Variants in MAP3K6 observed in about 807,000 individuals in gnomAD.
MAP3K6 encodes the protein mitogen-activated protein kinase kinase kinase 6.
A neutral mutation model predicts 147.1 loss-of-function variants in MAP3K6; 105 were observed. That is an observed-to-expected ratio of 0.71 (90% confidence interval 0.61 to 0.84). MAP3K6 has a LOEUF of 0.84. Ranked by LOEUF, MAP3K6 falls within the 40% of genes least tolerant of loss-of-function variation. The probability of loss-of-function intolerance (pLI) is 0.00; values close to 1 mark genes in which losing one functional copy is unlikely to be tolerated. For synonymous variants in MAP3K6, 695 were observed against 732.4 expected, an observed-to-expected ratio of 0.95 and a Z score of 0.82; for missense variants, 1,569 against 1,715.0, an observed-to-expected ratio of 0.91 and a Z score of 1.50.
intron 6 of MAP3K6, 114 bp downstream of exon 6, chr1:27,363,328 G>C: frequency 1.1e-6 from 1 of 881,982 alleles, no homozygotes; most frequent in Non-Finnish European, 1.7e-6. Flanking sequence ...AGTGACCCCG[G>C]TCAGCAAATT....
intron 8 of MAP3K6, 79 bp from the exon 9 acceptor site, chr1:27,362,329 T>G (rs1271142511): frequency 1.4e-6 from 2 of 1,432,664 alleles, no homozygotes; most frequent in Non-Finnish European, 1.9e-6. Context: ...GGCCCGAGTG[T>G]GGACATGAAC....
chr1:27,357,520 G>T lies in MAP3K6; in HGVS notation c.3138C>A (p.His1046Gln). ...VEELLRCLGA[H>Q]IHTPNRRQLA... ...GCTGCCGGCGGTTGGGAGTGTGGAT[G>T]TGTGCCCCGAGGCAGCGCAGCAGCT... Residue 1046 changes from histidine (H) to glutamine (Q), a missense_variant, in exon 23 of 29, where the codon CAC becomes CAA. Transcript: ENST00000357582. The T allele has an allele frequency of 6.2e-7, 1 of 1,613,530 alleles. No individual in the cohort carries two copies. Among genetic ancestry groups the T allele is most frequent in the South Asian group, 1.1e-5 (1 of 91,070 alleles).
rs2015893911 is a variant in MAP3K6 at position 27,364,251 on chromosome 1, C to T, written c.648G>A (p.Leu216=). Residue 216 remains leucine, a synonymous_variant, in exon 4 of 29, where the codon CTG becomes CTA. Transcript: ENST00000357582. This position sits in a 1 kb window ranked among gnomAD's most constrained non-coding sequence, Gnocchi z 4.4. ...CCAGCAGGCGGGCAAGCCGGCCCACCAGGGGAGTGAGCAGGGCCTCGGTCC... is the reference window on the plus strand; with the variant it reads ...CCAGCAGGCGGGCAAGCCGGCCCACTAGGGGAGTGAGCAGGGCCTCGGTCC... ...GVGTEALLTP[L]VGRLARLLEA... 6.2e-7 allele frequency: 1 copy of T among 1,613,472 alleles called. No individual in the cohort carries two copies. The highest frequency in any genetic ancestry group is 8.5e-7 in the Non-Finnish European group (1 of 1,179,998).
chr1:27,357,818 T>G lies in MAP3K6; in HGVS notation c.2974A>C (p.Ser992Arg). 1.2e-6 allele frequency: 2 copies of G among 1,604,186 alleles called. No homozygotes were observed. Among genetic ancestry groups the G allele is most frequent in the Non-Finnish European group, 1.7e-6 (2 of 1,177,242 alleles). Residue 992 changes from serine to arginine, a missense_variant, in exon 22 of 29, where the codon AGC (serine) becomes CGC (arginine). Physicochemically the swap from Ser to Arg is moderately radical, Grantham distance 110. Transcript: ENST00000357582. ...CGCTTGCTCTCCTGGTGCAGCAGGC[T>G]CAGCCCCGAACTCTCCTCCGGAGAC... ...PASPEESSGLSLLHQESKRRA... is the reference protein window; with the variant it reads ...PASPEESSGLRLLHQESKRRA...
Position 27,364,036 on chromosome 1 carries a change from G to T in MAP3K6, c.745C>A (p.Arg249=), listed in dbSNP as rs764675645. ...TGCCGCAGCTGTGGCCCACTGAACC[G>T]CTCCCGCGCCTGCCGGATGTCCCGC... ...IRRDIRQARE[R]FSGPQLRQEL... Residue 249 remains arginine, a synonymous_variant, in exon 5 of 29, where the codon CGG becomes AGG. Transcript: ENST00000357582. This position sits in a 1 kb window ranked among gnomAD's most constrained non-coding sequence, Gnocchi z 4.4. 43 of 1,612,426 alleles carry T rather than the reference G, an allele frequency of 2.7e-5. 1 individual carries two copies. The Middle Eastern group carries it at 9.9e-4, about 37-fold the overall frequency.
rs149561747 is a variant in MAP3K6 at position 27,363,503 on chromosome 1, G to T, written c.910C>A (p.Pro304Thr). The T allele has an allele frequency of 1.2e-6, 2 of 1,613,638 alleles. No individual in the cohort carries two copies. Among genetic ancestry groups the T allele is most frequent in the Non-Finnish European group, 1.7e-6 (2 of 1,179,798 alleles). The change falls in exon 6 of 29, where the codon CCC becomes ACC. Residue 304 changes from proline (P) to threonine (T), a missense_variant. Physicochemically the swap from Pro to Thr is conservative, Grantham distance 38 (BLOSUM62 -1). Coordinates refer to ENST00000357582, the MANE Select transcript of MAP3K6 (RefSeq NM_004672.5). ...IELVETLQAL[P>T]TCDVAEQHNV... ...TGCTGCTCGGCCACATCACAGGTGG[G>T]CAAGGCCTGCAGCGTCTCCACCAGC...
At chr1:27,356,896 G>T in intron 24 of MAP3K6, 113 bp downstream of exon 24, 2 of 1,408,668 alleles carry the variant, frequency 1.4e-6, no homozygotes, top group Non-Finnish European at 9.7e-7. Flanking sequence ...CGCCCCCACC[G>T]GCGCCTGCCT....
At chr1:27,357,250 G>T in intron 23 of MAP3K6, 136 bp from the exon 24 acceptor site, 1 of 1,291,480 alleles carries the variant, frequency 7.7e-7, no homozygotes, top group Non-Finnish European at 1.1e-6. Flanking sequence ...GGCCTGGGAA[G>T]CTAGGACTGG....
In MAP3K6 at chr1:27,361,512, G is replaced by A. The variant is rs1254845291; in HGVS notation, c.1686+8C>T. On this transcript the variant is annotated splice_region_variant and intron_variant, in intron 11 of 28. Transcript: ENST00000357582. ...AAGGTGAGTGAGGGGCCTCAGCAGC[G>A]ACTTCACCTGGGTCTCAGGCTCCAG... 4 of 1,613,728 alleles carry A rather than the reference G, an allele frequency of 2.5e-6. No homozygotes were observed. The highest frequency in any genetic ancestry group is 2.2e-5 in the East Asian group (1 of 44,898).
rs1571081864 is a variant in MAP3K6 at position 27,366,552 on chromosome 1, A to G, written c.46T>C (p.Cys16Arg). The change falls in exon 1 of 29, where the codon TGC (cysteine) becomes CGC (arginine). Residue 16 changes from cysteine (C) to arginine (R), a missense_variant. Cys to Arg is a radical substitution (Grantham distance 180). Transcript: ENST00000357582. The surrounding 1 kb of genome is among the most constrained non-coding windows in gnomAD (Gnocchi z 5.5). The stretch of plus-strand genomic sequence containing the variant: ...GCCACGGCCAGCGGGTCCTGCCAGC[A>G]GCTGCCGGCGCGCTCCGCCCCGGAC... The part of the protein sequence containing the change: ...PRSGAERAGS[C>R]WQDPLAVALS... 9 of 1,095,596 alleles carry G rather than the reference A, an allele frequency of 8.2e-6. No homozygotes were observed. The highest frequency in any genetic ancestry group is 1.0e-5 in the Non-Finnish European group (9 of 902,166). 67.9% of individuals were successfully genotyped at this position (1,095,596 alleles called of 1,614,324 possible). A position where few individuals can be genotyped will look rare whatever the true frequency, so the allele number is the denominator to read the frequency against.
rs781310423 is a variant in MAP3K6, at chr1:27,357,842, ACGCAGGCTCCTCGGC to A, written c.2935_2949del (p.Ala979_Ala983del). The A allele has an allele frequency of 3.4e-5, 55 of 1,598,688 alleles. No homozygotes were observed. The highest frequency in any genetic ancestry group is 3.4e-4 in the Middle Eastern group (2 of 5,970). On this transcript the variant is annotated inframe_deletion, in exon 22 of 29. Transcript: ENST00000357582. ...CTCAGCCCCGAACTCTCCTCCGGAGACGCAGGCTCCTCGGCCGCAGGCTCCTCGGGCACCCTGGGC... is the reference window on the plus strand; with the variant it reads ...CTCAGCCCCGAACTCTCCTCCGGAGACGCAGGCTCCTCGGGCACCCTGGGC...
Position 27,360,073 on chromosome 1 carries a change from C to A in MAP3K6, c.2183-79G>T. 1.9e-6 allele frequency: 3 copies of A among 1,596,768 alleles called. No individual in the cohort carries two copies. Among genetic ancestry groups the A allele is most frequent in the Non-Finnish European group, 2.6e-6 (3 of 1,168,412 alleles). On this transcript the variant is annotated intron_variant, in intron 16 of 28. Transcript: ENST00000357582. The surrounding 1 kb of genome is among the most constrained non-coding windows in gnomAD (Gnocchi z 4.5). ...TCTCTCTGCTCAAGGCCCAGACACA[C>A]CCATGTTGTAGCCCAACTCCATCAC...
chr1:27,366,407 C>G lies in MAP3K6; in HGVS notation c.191G>C (p.Gly64Ala). ...CAGGGGCAGCGGCTCCGCCTCGGTT[C>G]CCTCCCGAGGCTCGAGCCCGGGCTG... The part of the protein sequence containing the change: ...EPQPGLEPRE[G>A]TEAEPLPLRC... The change falls in exon 1 of 29, where the codon GGA becomes GCA. Residue 64 changes from glycine (G) to alanine (A), a missense_variant. By Grantham distance (60) the Gly-to-Ala change is moderately conservative (BLOSUM62 0). Transcript: ENST00000357582. The surrounding 1 kb of genome is among the most constrained non-coding windows in gnomAD (Gnocchi z 5.5). The G allele has an allele frequency of 8.1e-7, 1 of 1,234,734 alleles. No homozygotes were observed. The highest frequency in any genetic ancestry group is 3.1e-4 in the Middle Eastern group (1 of 3,182). 76.5% of individuals were successfully genotyped at this position (1,234,734 alleles called of 1,614,324 possible). A position where few individuals can be genotyped will look rare whatever the true frequency, so the allele number is the denominator to read the frequency against.
At chr1:27,356,219 G>A (rs2148045785) in intron 26 of MAP3K6, 120 bp from the exon 27 acceptor site, 1 of 1,101,304 alleles carries the variant, frequency 9.1e-7, no homozygotes, top group Non-Finnish European at 1.4e-6. Context: ...GTCAGGTGAT[G>A]AGCCCAAGGG....
rs1219443905 is a variant in MAP3K6 at position 27,364,560 on chromosome 1, TG to T, written c.504+100del. ...AACAGAGGAATACTTGGGATGTCAGTGGGGGGTTAGGTGACTGAGGAGGCCA... is the reference window on the plus strand; with the variant it reads ...AACAGAGGAATACTTGGGATGTCAGTGGGGGTTAGGTGACTGAGGAGGCCA... On this transcript the variant is annotated intron_variant, in intron 3 of 28. Transcript: ENST00000357582. The surrounding 1 kb of genome is among the most constrained non-coding windows in gnomAD (Gnocchi z 4.4). 1.9e-6 allele frequency: 3 copies of T among 1,567,972 alleles called. No homozygotes were observed. Among genetic ancestry groups the T allele is most frequent in the Non-Finnish European group, 2.6e-6 (3 of 1,139,122 alleles).
rs2015663494 is a variant in MAP3K6 at position 27,359,492 on chromosome 1, C to T, written c.2350G>A (p.Gly784Arg). 1.2e-6 allele frequency: 2 copies of T among 1,614,116 alleles called. No homozygotes were observed. Among genetic ancestry groups the T allele is most frequent in the Non-Finnish European group, 1.7e-6 (2 of 1,180,008 alleles). ...GDNVLINTFSGLLKISDFGTS... is the reference protein window; with the variant it reads ...GDNVLINTFSRLLKISDFGTS... ...CCGAAGTCAGAAATCTTGAGCAGCC[C>T]ACTGAAGGTGTTGATCAGCACATTG... Residue 784 changes from glycine to arginine, a missense_variant, in exon 18 of 29, where the codon GGG (glycine) becomes AGG (arginine). Physicochemically the swap from Gly to Arg is moderately radical, Grantham distance 125. Coordinates refer to ENST00000357582, the MANE Select transcript of MAP3K6 (RefSeq NM_004672.5). The surrounding 1 kb of genome is among the most constrained non-coding windows in gnomAD (Gnocchi z 4.4).
Position 27,360,991 on chromosome 1 carries a change from TG to T in MAP3K6, c.1849del (p.Gln617ArgfsTer4). ...GGAATCCGGGTTCGTCACCCAGGCC[TG>T]GATCAGGCCGCAGAACCTGAAGGTG... The part of the protein sequence containing the change: ...GHCQWFCGLI[Q>X]AWVTNPDSTA... On this transcript the variant is annotated frameshift_variant, in exon 14 of 29. Transcript: ENST00000357582. LOFTEE classifies it high-confidence loss of function. This position sits in a 1 kb window ranked among gnomAD's most constrained non-coding sequence, Gnocchi z 4.5. The T allele has an allele frequency of 6.2e-7, 1 of 1,600,402 alleles. No homozygotes were observed. Among genetic ancestry groups the T allele is most frequent in the Non-Finnish European group, 8.5e-7 (1 of 1,173,002 alleles).
chr1:27,363,329 T>G, intron 6 of MAP3K6, 113 bp downstream of exon 6: 1 of 870,578 alleles, frequency 1.1e-6, no homozygotes, highest in East Asian at 2.7e-5. Context: ...GTGACCCCGG[T>G]CAGCAAATTC....
At position 27,365,002 on chromosome 1, in the gene MAP3K6, G is replaced by A. The variant is rs1003625871; in HGVS notation, c.341-90C>T. The A allele has an allele frequency of 7.2e-6, 10 of 1,394,340 alleles. No individual in the cohort carries two copies. The African/African-American group carries it at 1.4e-4, about 20-fold the overall frequency. 86.4% of individuals were successfully genotyped at this position (1,394,340 alleles called of 1,614,324 possible). A position where few individuals can be genotyped will look rare whatever the true frequency, so the allele number is the denominator to read the frequency against. On this transcript the variant is annotated intron_variant, in intron 1 of 28. Transcript: ENST00000357582. Reference sequence around the variant, plus strand: ...CCATCCTGGCTTGACCTGCCTTGCTGTGGGACTCCAGTAGGGTCTGGTTCT... The same window carrying A: ...CCATCCTGGCTTGACCTGCCTTGCTATGGGACTCCAGTAGGGTCTGGTTCT...
Sources: gnomAD v4.1 joint callset for allele counts on GRCh38, gnomAD v4.1.1 for gene constraint, Gnocchi (gnomAD v3.1) non-coding constraint, MANE v1.5 for transcripts, NCBI Gene and HGNC (gene_info 2026-07-23, HGNC 2026-07-21) for gene names.